ABTB3: variants seen among roughly 807,000 people sequenced by gnomAD.
The protein encoded by ABTB3 is ankyrin repeat and BTB domain containing 3.
the ABTB3 span, among the ~76,000 whole-genome samples, chr12:107,417,062 G>A: frequency 6.6e-6 from 1 of 152,204 alleles, no homozygotes; most frequent in Non-Finnish European, 1.5e-5. Context: ...GAGGAAATTA[G>A]CAACTGAATT....
At chr12:107,414,631 C>T in the ABTB3 span, among the ~76,000 whole-genome samples, 2 of 152,062 alleles carry the variant, frequency 1.3e-5, no homozygotes, top group East Asian at 3.8e-4. Context: ...ATCATTTGCA[C>T]CCCGTTTTGA....
chr12:107,657,953 A>G, the ABTB3 span: 1 of 570,184 alleles, frequency 1.8e-6, no homozygotes, highest in Non-Finnish European at 3.1e-6. Flanking sequence ...ACCCCAATTG[A>G]AAGCACCCCT....
chr12:107,468,534 CA>C, the ABTB3 span, among the ~76,000 whole-genome samples: 1 of 152,092 alleles, frequency 6.6e-6, no homozygotes, highest in Non-Finnish European at 1.5e-5. Flanking sequence ...AATGCTGCTT[CA>C]AAGATCCACT....
chr12:107,461,017 C>T, the ABTB3 span, among the ~76,000 whole-genome samples: 3 of 152,236 alleles, frequency 2.0e-5, no homozygotes, highest in Non-Finnish European at 4.4e-5. Flanking sequence ...ATGTAATGGG[C>T]TCACAGTTCC....
chr12:107,519,525 C>A, the ABTB3 span, among the ~76,000 whole-genome samples: 1 of 152,058 alleles, frequency 6.6e-6, no homozygotes, highest in Non-Finnish European at 1.5e-5. Flanking sequence ...GCCATGTTGG[C>A]CAGGCTGGTC....
At chr12:107,487,095 C>G in the ABTB3 span, among the ~76,000 whole-genome samples, 1 of 152,104 alleles carries the variant, frequency 6.6e-6, no homozygotes, top group Non-Finnish European at 1.5e-5. Context: ...CCAGTTTTTC[C>G]TTGAGAACAG....
At chr12:107,646,356 C>T in the ABTB3 span, among the ~76,000 whole-genome samples, 1 of 152,156 alleles carries the variant, frequency 6.6e-6, no homozygotes, top group Non-Finnish European at 1.5e-5. Context: ...AGTCAGCAGC[C>T]CCACCTGGAA....
chr12:107,318,852 C>T, the ABTB3 span: 32 of 1,422,150 alleles, frequency 2.3e-5, no homozygotes, highest in Non-Finnish European at 3.0e-5. Flanking sequence ...GGCGCGGACT[C>T]GGCTCTCCCC....
the ABTB3 span, among the ~76,000 whole-genome samples, chr12:107,652,917 T>A: frequency 2.0e-5 from 3 of 152,156 alleles, no homozygotes; most frequent in South Asian, 4.1e-4. Flanking sequence ...TTATTTATTT[T>A]TATTTATTTT....
the ABTB3 span, among the ~76,000 whole-genome samples, chr12:107,402,743 G>A: frequency 6.6e-6 from 1 of 152,190 alleles, no homozygotes; most frequent in Non-Finnish European, 1.5e-5. Flanking sequence ...CTCCTCACCT[G>A]AAGCCAGGCC....
At chr12:107,650,856 C>T in the ABTB3 span, 3 of 152,208 alleles carry the variant, frequency 2.0e-5, no homozygotes, top group African/African-American at 7.2e-5. Flanking sequence ...TTCTGTATTC[C>T]TTCTCCACTC....
the ABTB3 span, among the ~76,000 whole-genome samples, chr12:107,459,220 T>C: frequency 6.6e-6 from 1 of 152,148 alleles, no homozygotes; most frequent in Non-Finnish European, 1.5e-5. Context: ...CATAATTTGC[T>C]CAAAGCCACA....
At chr12:107,537,236 C>T in the ABTB3 span, among the ~76,000 whole-genome samples, 4 of 151,920 alleles carry the variant, frequency 2.6e-5, no homozygotes, top group South Asian at 2.1e-4. Flanking sequence ...GGAAGAGTAG[C>T]GGGGATTAGA....
chr12:107,430,386 A>G, the ABTB3 span, among the ~76,000 whole-genome samples: 1 of 152,258 alleles, frequency 6.6e-6, no homozygotes, highest in South Asian at 2.1e-4. Flanking sequence ...AAAATGTGTG[A>G]AAAACACCTT....
chr12:107,406,093 C>A, the ABTB3 span, among the ~76,000 whole-genome samples: 3 of 152,182 alleles, frequency 2.0e-5, no homozygotes, highest in African/African-American at 7.2e-5. Flanking sequence ...AGTCACTTAA[C>A]CTGCCTGGGT....
the ABTB3 span, among the ~76,000 whole-genome samples, chr12:107,321,937 G>T: frequency 6.6e-6 from 1 of 152,010 alleles, no homozygotes; most frequent in South Asian, 2.1e-4. Flanking sequence ...GTGGAAATCT[G>T]GTCACCCTGC....
chr12:107,539,183 T>C, the ABTB3 span, among the ~76,000 whole-genome samples: 2 of 152,112 alleles, frequency 1.3e-5, no homozygotes, highest in African/African-American at 4.8e-5. Context: ...GCTCAGCATA[T>C]TGGGGCTTCT....
chr12:107,574,705 T>C, the ABTB3 span, among the ~76,000 whole-genome samples: 3 of 151,594 alleles, frequency 2.0e-5, no homozygotes, highest in African/African-American at 7.3e-5. Context: ...ACTCCATCTA[T>C]AAAAAAGAAA....
chr12:107,637,193 C>T, the ABTB3 span, among the ~76,000 whole-genome samples: 1 of 152,174 alleles, frequency 6.6e-6, no homozygotes, highest in Non-Finnish European at 1.5e-5. Context: ...GAGTTCGAGA[C>T]CAGCCTTGCC....
Sources: allele counts gnomAD v4.1 joint callset (sites outside exome capture counted in the v4.1 genomes callset), GRCh38; gene constraint gnomAD v4.1.1; transcripts MANE v1.5; gene names NCBI Gene and HGNC (gene_info 2026-07-23, HGNC 2026-07-21).